The following UBE2D2 variants were observed in gnomAD, a reference collection of about 807,000 sequenced individuals.
The protein encoded by UBE2D2 is ubiquitin conjugating enzyme E2 D2.
A neutral mutation model predicts 24.2 loss-of-function variants in UBE2D2; 2 were observed. The observed-to-expected ratio is 0.08, with a 90% confidence interval of 0.03 to 0.26. The LOEUF is 0.26. Among genes scored for constraint, UBE2D2 ranks in the 10% least tolerant of loss-of-function variants. UBE2D2 has a pLI of 1.00. For missense variants in UBE2D2, 44 were observed against 177.6 expected, an observed-to-expected ratio of 0.25 and a Z score of 4.28; for synonymous variants, 58 against 56.5, an observed-to-expected ratio of 1.03 and a Z score of -0.12.
chr5:139,610,853 AAAAT>A (rs1561519486), intron 2 of UBE2D2, among the ~76,000 whole-genome samples: 1 of 152,144 alleles, frequency 6.6e-6, no homozygotes, highest in Non-Finnish European at 1.5e-5. Context: ...ACCCTGTCTC[AAAAT>A]AAATAAATCT....
At chr5:139,580,441 C>T (rs780779283) in intron 1 of UBE2D2, among the ~76,000 whole-genome samples, 6 of 152,108 alleles carry the variant, frequency 3.9e-5, no homozygotes, top group Non-Finnish European at 8.8e-5. Context: ...GACAGCGTAA[C>T]AGAGTGAGAC....
At chr5:139,530,473 CTT>C (rs1412863302) in intron 1 of UBE2D2, among the ~76,000 whole-genome samples, 1 of 152,214 alleles carries the variant, frequency 6.6e-6, no homozygotes, top group African/African-American at 2.4e-5. Context: ...AGACCCGCCA[CTT>C]AGGCACAAGA....
chr5:139,537,312 T>C (rs937428638), intron 1 of UBE2D2, among the ~76,000 whole-genome samples: 1 of 152,122 alleles, frequency 6.6e-6, no homozygotes, highest in Admixed American at 6.5e-5. Flanking sequence ...GTAAACAGGG[T>C]TCATACATTG....
chr5:139,536,246 T>G (rs1327125557), intron 1 of UBE2D2, among the ~76,000 whole-genome samples: 1 of 142,066 alleles, frequency 7.0e-6, no homozygotes, highest in African/African-American at 2.7e-5. Flanking sequence ...ATTACAGGCA[T>G]GTGCCACCAT....
chr5:139,558,836 T>C (rs1436563415), upstream of UBE2D2, among the ~76,000 whole-genome samples: 1 of 152,032 alleles, frequency 6.6e-6, no homozygotes, highest in Non-Finnish European at 1.5e-5. Context: ...GATCTTGCTC[T>C]TTCACCACAC....
In UBE2D2 at chr5:139,561,760, G is replaced by T; in HGVS notation, c.-32G>T. On this transcript the variant is annotated 5_prime_UTR_variant, in exon 1 of 7. Transcript: ENST00000398733. ...CCGTCCCTTCCCCGCCCCCGTCCCC[G>T]CCCCGGGGGCCGCCGCCACCCGCCT... 3 of 500,300 alleles carry T rather than the reference G, an allele frequency of 6.0e-6. No homozygotes were observed. Among genetic ancestry groups the T allele is most frequent in the Non-Finnish European group, 9.0e-6 (3 of 332,138 alleles). The allele number at this position is 500,300 out of a possible 1,614,324, so 31.0% of individuals were successfully genotyped here.
intron 1 of UBE2D2, among the ~76,000 whole-genome samples, chr5:139,578,317 G>C (rs1443969145): frequency 6.6e-6 from 1 of 152,110 alleles, no homozygotes; most frequent in Non-Finnish European, 1.5e-5. Flanking sequence ...ACTTGCTATA[G>C]AAGTAGAAGT....
At chr5:139,551,188 T>C (rs1192484095) in intron 1 of UBE2D2, among the ~76,000 whole-genome samples, 1 of 151,970 alleles carries the variant, frequency 6.6e-6, no homozygotes, top group Non-Finnish European at 1.5e-5. Context: ...CTACTGAAAT[T>C]ACAAAAAATT....
intron 1 of UBE2D2, among the ~76,000 whole-genome samples, chr5:139,549,732 G>A (rs1752882756): frequency 6.6e-6 from 1 of 152,232 alleles, no homozygotes; most frequent in Non-Finnish European, 1.5e-5. Flanking sequence ...GAGTGCAGCT[G>A]CGCAGAGCGG....
At chr5:139,562,152 A>AG in intron 1 of UBE2D2, 1 of 1,301,232 alleles carries the variant, frequency 7.7e-7, no homozygotes, top group Non-Finnish European at 1.0e-6. Flanking sequence ...GTTGGGGCCG[A>AG]GGGGGGCGCT....
At chr5:139,598,964 G>C (rs1754014523) in intron 1 of UBE2D2, among the ~76,000 whole-genome samples, 1 of 73,468 alleles carries the variant, frequency 1.4e-5, no homozygotes, top group Admixed American at 2.1e-4. Context: ...GTCTCGTTCT[G>C]TTGTCCCAGG....
chr5:139,531,315 T>C (rs534361121), intron 1 of UBE2D2, among the ~76,000 whole-genome samples: 1 of 152,306 alleles, frequency 6.6e-6, no homozygotes, highest in Admixed American at 6.5e-5. Context: ...CATTGTGAAA[T>C]TCCCTGCCCT....
At chr5:139,537,066 C>T (rs995507000) in intron 1 of UBE2D2, among the ~76,000 whole-genome samples, 1 of 151,756 alleles carries the variant, frequency 6.6e-6, no homozygotes, top group Non-Finnish European at 1.5e-5. Context: ...GCCTGTAGTC[C>T]CAGCTACTCG....
At chr5:139,591,748 AAGC>A (rs768665135) in intron 1 of UBE2D2, among the ~76,000 whole-genome samples, 46 of 152,196 alleles carry the variant, frequency 3.0e-4, no homozygotes, top group Non-Finnish European at 5.3e-4. Context: ...TAAAATATGT[AAGC>A]AGTTGTTTTT....
At chr5:139,569,809 T>C (rs261531) in intron 1 of UBE2D2, among the ~76,000 whole-genome samples, 1 of 152,216 alleles carries the variant, frequency 6.6e-6, no homozygotes, top group Non-Finnish European at 1.5e-5. Context: ...GCAAGCCATG[T>C]GTTATCCTTA....
chr5:139,613,622 C>T (rs552328245), intron 2 of UBE2D2, among the ~76,000 whole-genome samples: 2 of 152,024 alleles, frequency 1.3e-5, no homozygotes, highest in African/African-American at 4.8e-5. Context: ...TCCTCTTTAA[C>T]TTATCCTTTA....
chr5:139,564,412 C>G (rs1480028463), intron 1 of UBE2D2, among the ~76,000 whole-genome samples: 16 of 151,514 alleles, frequency 1.1e-4, no homozygotes, highest in Non-Finnish European at 4.4e-5. Context: ...CCTCAGCCTC[C>G]CAAAGTGTTG....
intron 1 of UBE2D2, among the ~76,000 whole-genome samples, chr5:139,547,811 C>T (rs1267455014): frequency 6.6e-6 from 1 of 152,094 alleles, no homozygotes; most frequent in Non-Finnish European, 1.5e-5. Context: ...TCTCCTGCCT[C>T]AGCCTCCTGA....
At chr5:139,615,732 G>T (rs185355160) in intron 5 of UBE2D2, among the ~76,000 whole-genome samples, 8 of 151,904 alleles carry the variant, frequency 5.3e-5, no homozygotes, top group Non-Finnish European at 1.2e-4. Context: ...TCAATGAACT[G>T]AGTGATGTAG....
Sources: allele counts gnomAD v4.1 joint callset (sites outside exome capture counted in the v4.1 genomes callset), GRCh38; gene constraint gnomAD v4.1.1; transcripts MANE v1.5; gene names NCBI Gene and HGNC (gene_info 2026-07-23, HGNC 2026-07-21).